Variants in DNAH6 observed in about 807,000 individuals in gnomAD.
The protein encoded by DNAH6 is axonemal beta dynein heavy chain 6.
DNAH6 carries 340 observed loss-of-function variants against 491.4 expected under a neutral mutation model. The ratio of observed to expected loss-of-function variants is 0.69; its 90% CI spans 0.63 to 0.76. The LOEUF is 0.76. DNAH6 is among the 30% of genes least tolerant of loss of function. DNAH6 has a pLI of 0.00. For synonymous variants in DNAH6, 1,603 were observed against 1,686.1 expected (o/e 0.95, Z 1.21); for missense variants, 4,443 against 4,972.2 (o/e 0.89, Z 3.20).
At chr2:84,565,487 T>C (rs1681106061) in intron 11 of DNAH6, among the ~76,000 whole-genome samples, 1 of 152,036 alleles carries the variant, frequency 6.6e-6, no homozygotes, top group South Asian at 2.1e-4. Flanking sequence ...GTATATAGAA[T>C]TGTTCATAAT....
intron 45 of DNAH6, among the ~76,000 whole-genome samples, chr2:84,692,579 TAA>T (rs1458029663): frequency 6.6e-6 from 1 of 152,166 alleles, no homozygotes; most frequent in Non-Finnish European, 1.5e-5. Context: ...ATGGTAATGA[TAA>T]GTTTTAAATT....
At chr2:84,652,043 C>T (rs1195844799) in intron 33 of DNAH6, among the ~76,000 whole-genome samples, 2 of 151,602 alleles carry the variant, frequency 1.3e-5, no homozygotes, top group African/African-American at 4.8e-5. Flanking sequence ...CATGAAAGGT[C>T]TTCTATATGG....
At chr2:84,720,301 C>T (rs1365781009) in intron 59 of DNAH6, among the ~76,000 whole-genome samples, 1 of 92,214 alleles carries the variant, frequency 1.1e-5, no homozygotes, top group Non-Finnish European at 1.9e-5. Flanking sequence ...TTTTTTGAGA[C>T]AGAGTCTCGC....
chr2:84,763,577 A>G (rs575588838), intron 64 of DNAH6, among the ~76,000 whole-genome samples: 2 of 152,272 alleles, frequency 1.3e-5, no homozygotes, highest in East Asian at 3.9e-4. Flanking sequence ...GGTAGCCTCC[A>G]GCTCTGATGG....
At chr2:84,685,833 T>C (rs1178725001) in intron 43 of DNAH6, among the ~76,000 whole-genome samples, 6 of 152,106 alleles carry the variant, frequency 3.9e-5, no homozygotes, top group Non-Finnish European at 5.9e-5. Flanking sequence ...GTTTGTATTT[T>C]AATTTATTAT....
chr2:84,552,420 T>G (rs901394915), intron 9 of DNAH6, among the ~76,000 whole-genome samples: 15 of 152,224 alleles, frequency 9.9e-5, no homozygotes, highest in African/African-American at 3.6e-4. Flanking sequence ...ATGTCGTTAC[T>G]GAATAAACTA....
intron 44 of DNAH6, 80 bp downstream of exon 44, chr2:84,686,637 A>G (rs1443299013): frequency 2.1e-6 from 2 of 936,814 alleles, no homozygotes; most frequent in Admixed American, 5.4e-5. Context: ...AATATTCTAT[A>G]AAAACTTTAC....
chr2:84,635,430 A>G (rs1688790809), intron 30 of DNAH6, among the ~76,000 whole-genome samples: 1 of 152,226 alleles, frequency 6.6e-6, no homozygotes, highest in Non-Finnish European at 1.5e-5. Flanking sequence ...ATTAGACTCT[A>G]AAGTCTAAGC....
chr2:84,538,953 T>A (rs1317622034), intron 4 of DNAH6, among the ~76,000 whole-genome samples: 1 of 152,092 alleles, frequency 6.6e-6, no homozygotes, highest in African/African-American at 2.4e-5. Context: ...TTCTAGTTTA[T>A]GTGTGAAGTT....
chr2:84,550,123 C>A, intron 9 of DNAH6, 66 bp downstream of exon 9: 3 of 1,238,546 alleles, frequency 2.4e-6, no homozygotes, highest in Non-Finnish European at 2.3e-6. Flanking sequence ...AAACTACGCT[C>A]TATGAATTAT....
chr2:84,679,290 C>T (rs529311943), intron 41 of DNAH6, among the ~76,000 whole-genome samples: 65 of 152,152 alleles, frequency 4.3e-4, no homozygotes, highest in Middle Eastern at 3.4e-3. Flanking sequence ...ATGCAGGGAG[C>T]GCACCACTAA....
chr2:84,781,396 A>G lies in DNAH6; in HGVS notation c.10704-97A>G, dbSNP rs1391136993. 7.9e-6 allele frequency: 8 copies of G among 1,007,276 alleles called. No individual in the cohort carries two copies. The African/African-American group carries it at 8.1e-5, about 10-fold the overall frequency. 62.4% of individuals were successfully genotyped at this position (1,007,276 alleles called of 1,614,324 possible). On this transcript the variant is annotated intron_variant, in intron 64 of 76. Coordinates refer to ENST00000389394, the MANE Select transcript of DNAH6 (RefSeq NM_001370.2). The stretch of plus-strand genomic sequence containing the variant: ...TGGAATGAGGATTCAAAATGTTTAT[A>G]TATCCTAAGCAAGAGTCTACTGTAT...
At chr2:84,518,112 T>C in intron 2 of DNAH6, 61 bp downstream of exon 2, 1 of 1,327,988 alleles carries the variant, frequency 7.5e-7, no homozygotes. Context: ...AAAATTGCTT[T>C]GGAGGATAGA....
chr2:84,791,540 A>T (rs1342866923), intron 68 of DNAH6, among the ~76,000 whole-genome samples: 2 of 152,018 alleles, frequency 1.3e-5, no homozygotes, highest in Non-Finnish European at 2.9e-5. Context: ...ATGAGGACTG[A>T]CTGCAAATGG....
chr2:84,749,902 G>A (rs1673303950), intron 63 of DNAH6, among the ~76,000 whole-genome samples: 1 of 152,118 alleles, frequency 6.6e-6, no homozygotes, highest in Non-Finnish European at 1.5e-5. Flanking sequence ...GCTTTTCAAA[G>A]GTAAATAGGA....
the DNAH6 span, among the ~76,000 whole-genome samples, chr2:84,495,800 C>G: frequency 1.3e-5 from 2 of 152,216 alleles, no homozygotes; most frequent in Non-Finnish European, 2.9e-5. Flanking sequence ...TGACTTATGC[C>G]AACACTTAAG....
At position 84,686,675 on chromosome 2, in the gene DNAH6, G is replaced by A. The variant is rs547651622; in HGVS notation, c.7137+118G>A. On this transcript the variant is annotated intron_variant, in intron 44 of 76. Transcript: ENST00000389394. ...GTGTGAGGAGTTAAGATCTAGGCCA[G>A]ATGTCAGCAAACTATGGCCCATGAG... The A allele has an allele frequency of 2.2e-5, 14 of 624,228 alleles. No individual in the cohort carries two copies. In the South Asian group the frequency reaches 3.2e-4, roughly 14 times the overall value. The allele number at this position is 624,228 out of a possible 1,614,324, so 38.7% of individuals were successfully genotyped here.
At chr2:84,620,037 A>C in intron 24 of DNAH6, 133 bp downstream of exon 24, 1 of 738,686 alleles carries the variant, frequency 1.4e-6, no homozygotes, top group Non-Finnish European at 2.2e-6. Context: ...TCTTGCCCTC[A>C]AAGAGCTCAA....
the DNAH6 span, among the ~76,000 whole-genome samples, chr2:84,475,374 C>G: frequency 3.3e-5 from 5 of 152,336 alleles, no homozygotes; most frequent in East Asian, 9.6e-4. Flanking sequence ...TTCCCAAAAG[C>G]AGTCCATCTT....
Sources: allele counts gnomAD v4.1 joint callset (sites outside exome capture counted in the v4.1 genomes callset), GRCh38; gene constraint gnomAD v4.1.1; transcripts MANE v1.5; gene names NCBI Gene and HGNC (gene_info 2026-07-23, HGNC 2026-07-21).